Variants in ABI2 observed in about 807,000 individuals in gnomAD.
The protein encoded by ABI2 is abelson interactor 2.
In ABI2, 25 loss-of-function variants were observed where a neutral mutation model predicts 59.2. The ratio of observed to expected loss-of-function variants is 0.42; its 90% CI spans 0.31 to 0.59. The LOEUF (loss-of-function observed/expected upper bound fraction) is 0.59, where lower values mean the gene tolerates loss of function less well. Among genes scored for constraint, ABI2 ranks in the 20% least tolerant of loss-of-function variants. The pLI, the probability that ABI2 is intolerant of heterozygous loss-of-function variation, is 0.14. For synonymous variants in ABI2, 213 were observed against 235.5 expected, an observed-to-expected ratio of 0.90 and a Z score of 0.87; for missense variants, 545 against 681.8, an observed-to-expected ratio of 0.80 and a Z score of 2.23.
In ABI2 at chr2:203,399,704, G is replaced by A. The variant is rs1225616370; in HGVS notation, c.1033+2737G>A. Among the ~76,000 whole-genome samples the A allele has an allele frequency of 2.6e-5, 4 of 152,016 alleles. No individual in the cohort carries two copies. In the East Asian group the frequency reaches 5.8e-4, roughly 22 times the overall value. On this transcript the variant is annotated intron_variant, in intron 8 of 11. Transcript: ENST00000261018. ...TAATTTTTGTATTTTTAGTAGAGAC[G>A]GGGTTTCACCACGTTGGCCAGGTTG...
intron 8 of ABI2, among the ~76,000 whole-genome samples, chr2:203,399,013 A>C (rs760597699): frequency 5.3e-5 from 8 of 152,194 alleles, no homozygotes; most frequent in Admixed American, 5.2e-4. Context: ...AAACATGTAC[A>C]TACAGGGTTT....
intron 1 of ABI2, chr2:203,342,069 A>ATTTT: frequency 3.0e-6 from 1 of 336,444 alleles, no homozygotes; most frequent in Non-Finnish European, 5.8e-6. Context: ...AATTATGTTC[A>ATTTT]TTTTTTTTTT....
At chr2:203,371,486 C>G (rs1419360497) in intron 2 of ABI2, among the ~76,000 whole-genome samples, 1 of 152,104 alleles carries the variant, frequency 6.6e-6, no homozygotes, top group Non-Finnish European at 1.5e-5. Flanking sequence ...TTACTACATT[C>G]ATCATATCTA....
intron 9 of ABI2, 69 bp from the exon 10 acceptor site, chr2:203,411,216 G>T: frequency 8.6e-7 from 1 of 1,167,760 alleles, no homozygotes; most frequent in Non-Finnish European, 1.3e-6. Flanking sequence ...TTATTTTATT[G>T]TATTATCCTT....
chr2:203,342,592 A>ATTTATTTG (rs1343378867), intron 1 of ABI2, among the ~76,000 whole-genome samples: 1 of 150,312 alleles, frequency 6.7e-6, no homozygotes, highest in Non-Finnish European at 1.5e-5. Context: ...TTATTTATTT[A>ATTTATTTG]TTTTTGAGAC....
chr2:203,412,967 A>G (rs2097740616), intron 10 of ABI2, among the ~76,000 whole-genome samples: 1 of 152,234 alleles, frequency 6.6e-6, no homozygotes, highest in African/African-American at 2.4e-5. Context: ...TCATTACAGT[A>G]AAATAATTTT....
At chr2:203,378,507 C>T (rs2095872355) in intron 2 of ABI2, among the ~76,000 whole-genome samples, 1 of 152,156 alleles carries the variant, frequency 6.6e-6, no homozygotes, top group Non-Finnish European at 1.5e-5. Flanking sequence ...AGCTCTGGAA[C>T]ATATAGATCC....
At chr2:203,338,941 T>TATATATATATATATAA (rs2077910478) in intron 1 of ABI2, among the ~76,000 whole-genome samples, 7 of 6,222 alleles carry the variant, frequency 1.1e-3, no homozygotes, top group African/African-American at 3.7e-3. Context: ...TATGTATATA[T>TATATATATATATATAA]ATATATATAT....
chr2:203,347,086 G>A (rs1370515039), intron 1 of ABI2, among the ~76,000 whole-genome samples: 1 of 152,134 alleles, frequency 6.6e-6, no homozygotes. Flanking sequence ...TATGATGATT[G>A]CCCTAACATG....
At chr2:203,388,152 A>G (rs1316454549) in intron 4 of ABI2, among the ~76,000 whole-genome samples, 1 of 152,138 alleles carries the variant, frequency 6.6e-6, no homozygotes, top group Non-Finnish European at 1.5e-5. Flanking sequence ...TAGCATATTT[A>G]TTGTTTTACT....
intron 1 of ABI2, among the ~76,000 whole-genome samples, chr2:203,361,009 A>G (rs189033184): frequency 6.6e-6 from 1 of 152,256 alleles, no homozygotes; most frequent in Admixed American, 6.5e-5. Flanking sequence ...TGGCCTCAGC[A>G]TGAGCACTAG....
In ABI2 at chr2:203,372,245, C is replaced by G. The variant is rs180974872; in HGVS notation, c.285+5201C>G. On this transcript the variant is annotated intron_variant, in intron 2 of 11. Transcript: ENST00000261018. ...TGTTTCAGAGAGCACAGGGTTGGGG[C>G]TAAGGTCACCGATCAACAGGATCCC... Among the ~76,000 whole-genome samples, 41 of 152,202 alleles carry G rather than the reference C, an allele frequency of 2.7e-4. No individual in the cohort carries two copies. In the East Asian group the frequency reaches 4.8e-3, roughly 18 times the overall value.
rs371616640 is a variant in ABI2, at chr2:203,357,888, C to A, written c.118-8989C>A. 3.3e-5 allele frequency among the ~76,000 whole-genome samples: 5 copies of A among 152,074 alleles called. No individual in the cohort carries two copies. The South Asian group carries it at 6.2e-4, about 19-fold the overall frequency. ...GCTTCAAACGATTCTCCTGCCTCAG[C>A]CTCCCAAGTAGCTGGGACTACAGGT... On this transcript the variant is annotated intron_variant, in intron 1 of 11. Transcript: ENST00000261018.
At chr2:203,338,957 T>C (rs866198635) in intron 1 of ABI2, among the ~76,000 whole-genome samples, 8 of 8,906 alleles carry the variant, frequency 9.0e-4, no homozygotes, top group South Asian at 4.1e-3. Flanking sequence ...TATATATATA[T>C]ATATAAATAT....
In ABI2 at chr2:203,428,800, G is replaced by T. The variant is rs1231008245; in HGVS notation, c.*1448G>T. On this transcript the variant is annotated 3_prime_UTR_variant, in exon 12 of 12. Coordinates refer to ENST00000261018, the MANE Select transcript of ABI2 (RefSeq NM_001375670.1). Reference sequence around the variant, plus strand: ...CCTGTTCAGGTCCAGAGCTGCTAACGTGGGTTCTACTCAGTCCCAGTGACT... The same window carrying T: ...CCTGTTCAGGTCCAGAGCTGCTAACTTGGGTTCTACTCAGTCCCAGTGACT... The T allele has an allele frequency of 6.6e-6, 1 of 152,200 alleles. No individual in the cohort carries two copies. Among genetic ancestry groups the T allele is most frequent in the African/African-American group, 2.4e-5 (1 of 41,430 alleles). The allele number at this position is 152,200 out of a possible 1,614,324, so 9.4% of individuals were successfully genotyped here.
chr2:203,352,915 G>A (rs1159803421), intron 1 of ABI2, among the ~76,000 whole-genome samples: 2 of 152,106 alleles, frequency 1.3e-5, no homozygotes, highest in Non-Finnish European at 2.9e-5. Context: ...GTATTCAAAT[G>A]CTTACCATTA....
chr2:203,364,635 T>C (rs1009827744), intron 1 of ABI2, among the ~76,000 whole-genome samples: 7 of 152,202 alleles, frequency 4.6e-5, no homozygotes, highest in Admixed American at 2.0e-4. Context: ...TAAAAATCTT[T>C]TGGACCTCTT....
chr2:203,386,543 C>A, intron 4 of ABI2: 1 of 694,294 alleles, frequency 1.4e-6, no homozygotes, highest in Non-Finnish European at 1.7e-6. Context: ...AGGGAAGTTT[C>A]ATAGAGAAAA....
intron 1 of ABI2, among the ~76,000 whole-genome samples, chr2:203,331,282 G>A (rs1272549311): frequency 6.6e-6 from 1 of 150,666 alleles, no homozygotes; most frequent in Non-Finnish European, 1.5e-5. Flanking sequence ...GGGTTTTGAT[G>A]CTGCCTGGAC....
Sources: allele counts gnomAD v4.1 joint callset (sites outside exome capture counted in the v4.1 genomes callset), GRCh38; gene constraint gnomAD v4.1.1; transcripts MANE v1.5; gene names NCBI Gene and HGNC (gene_info 2026-07-23, HGNC 2026-07-21).